The following PRH1 variants were observed in gnomAD, a reference collection of about 807,000 sequenced individuals.
The protein encoded by PRH1 is salivary acidic proline-rich phosphoprotein 1/2.
In PRH1, 7 loss-of-function variants were observed where a neutral mutation model predicts 7.9. The observed-to-expected ratio is 0.89, with a 90% CI of 0.50 to 1.67. PRH1 has a LOEUF of 1.67. Among genes scored for constraint, PRH1 ranks in the 40% most tolerant of loss-of-function variants. The pLI, the probability that PRH1 is intolerant of heterozygous loss-of-function variation, is 0.00. For synonymous variants in PRH1, 45 were observed against 80.8 expected (o/e 0.56, Z 2.38); for missense variants, 109 against 223.6 (o/e 0.49, Z 3.27).
At chr12:11,000,045 A>G (rs1323172929) in intron 1 of PRH1, among the ~76,000 whole-genome samples, 1 of 152,126 alleles carries the variant, frequency 6.6e-6, no homozygotes, top group African/African-American at 2.4e-5. Flanking sequence ...ATTATTTCAC[A>G]TATCATTTGA....
chr12:10,908,509 T>G, intron 2 of PRH1: 1 of 1,613,916 alleles, frequency 6.2e-7, no homozygotes, highest in Non-Finnish European at 8.5e-7. Context: ...TCACAAAGCA[T>G]GTAGATCACT....
chr12:11,036,493 G>C (rs753835698), intron 1 of PRH1, among the ~76,000 whole-genome samples: 29 of 152,136 alleles, frequency 1.9e-4, no homozygotes, highest in Non-Finnish European at 2.1e-4. Flanking sequence ...CCTAAAATCC[G>C]CTCTTTAGAA....
At chr12:11,107,763 CAA>C (rs1945465776) in intron 1 of PRH1, among the ~76,000 whole-genome samples, 1 of 151,976 alleles carries the variant, frequency 6.6e-6, no homozygotes, top group Non-Finnish European at 1.5e-5. Context: ...CAATTGATTT[CAA>C]AAAAGGGACT....
chr12:10,940,839 A>G (rs529417833), intron 2 of PRH1, among the ~76,000 whole-genome samples: 82 of 152,328 alleles, frequency 5.4e-4, no homozygotes, highest in African/African-American at 1.9e-3. Flanking sequence ...GAAAGATGTA[A>G]GGTGTTCCAC....
At chr12:10,972,708 T>C (rs1283384671) in intron 2 of PRH1, among the ~76,000 whole-genome samples, 1 of 152,178 alleles carries the variant, frequency 6.6e-6, no homozygotes, top group Non-Finnish European at 1.5e-5. Context: ...ATATCTACAT[T>C]TTTGAAGGGA....
chr12:11,064,376 T>C (rs1943727676), intron 1 of PRH1, among the ~76,000 whole-genome samples: 1 of 152,150 alleles, frequency 6.6e-6, no homozygotes, highest in Admixed American at 6.6e-5. Context: ...CTCTATACTG[T>C]TCCATTGTGT....
At chr12:11,148,083 C>T (rs1191055939) in intron 1 of PRH1, among the ~76,000 whole-genome samples, 1 of 144,914 alleles carries the variant, frequency 6.9e-6, no homozygotes, top group Non-Finnish European at 1.5e-5. Flanking sequence ...ATTTGGCTCT[C>T]TGTTTGTCTG....
intron 1 of PRH1, among the ~76,000 whole-genome samples, chr12:11,066,131 A>G (rs1240699321): frequency 6.8e-6 from 1 of 147,892 alleles, no homozygotes; most frequent in Non-Finnish European, 1.5e-5. Context: ...GAAGAACTTT[A>G]AGTCTCATGG....
In PRH1 at chr12:11,089,853, T is replaced by A. The variant is rs1041351390; in HGVS notation, n.124-42665A>T. Among the ~76,000 whole-genome samples the A allele has an allele frequency of 2.2e-5, 2 of 92,274 alleles. 1 individual carries two copies. The highest frequency in any genetic ancestry group is 5.2e-5 in the Non-Finnish European group (2 of 38,176). The allele number at this position is 92,274 out of a possible 152,430, so 60.5% of individuals were successfully genotyped here. On this transcript the variant is annotated intron_variant and non_coding_transcript_variant, in intron 1 of 4. Transcript: ENST00000541977. ...CCTTGTCTCCAACTCAGACACCTGA[T>A]ACAGCTGCATCAAGACTATATTATT...
intron 1 of PRH1, among the ~76,000 whole-genome samples, chr12:11,044,392 T>C (rs1463512410): frequency 2.6e-5 from 4 of 152,066 alleles, no homozygotes; most frequent in East Asian, 1.9e-4. Context: ...ATTTCTTGAG[T>C]AGTAATACCC....
intron 1 of PRH1, among the ~76,000 whole-genome samples, chr12:11,013,044 T>C (rs4553441): frequency 0.3 from 46,329 of 152,038 alleles, 8,930 homozygotes; most frequent in East Asian, 0.74. Context: ...GGTCAACTTA[T>C]ATACTCAGTG....
chr12:11,015,379 T>TCTTCCAAG (rs1294181298), intron 1 of PRH1, among the ~76,000 whole-genome samples: 4 of 149,502 alleles, frequency 2.7e-5, no homozygotes, highest in African/African-American at 2.4e-5. Flanking sequence ...CTTCCAAGTG[T>TCTTCCAAG]ACTTTCCTTT....
intron 2 of PRH1, among the ~76,000 whole-genome samples, chr12:10,925,096 G>A (rs1377068337): frequency 2.0e-5 from 3 of 152,296 alleles, no homozygotes; most frequent in African/African-American, 4.8e-5. Flanking sequence ...GGATTCAACT[G>A]TAAAAGTGGC....
upstream of PRH1, among the ~76,000 whole-genome samples, chr12:11,048,161 T>TGTATAG (rs1555147093): frequency 2.2e-5 from 3 of 139,184 alleles, no homozygotes; most frequent in Non-Finnish European, 3.2e-5. Flanking sequence ...TGTGTGTGTG[T>TGTATAG]ATAGATAGAT....
chr12:11,098,367 A>C (rs1229954740), intron 1 of PRH1, among the ~76,000 whole-genome samples: 1 of 151,932 alleles, frequency 6.6e-6, no homozygotes, highest in Non-Finnish European at 1.5e-5. Context: ...TTTATGGAAA[A>C]CATTCTTATT....
At chr12:11,136,519 G>C (rs1188728940) in intron 1 of PRH1, among the ~76,000 whole-genome samples, 2 of 151,944 alleles carry the variant, frequency 1.3e-5, no homozygotes, top group African/African-American at 4.8e-5. Context: ...TCTCCTCATA[G>C]ACATAGAAAA....
chr12:11,127,982 C>G (rs925011445), intron 1 of PRH1, among the ~76,000 whole-genome samples: 1 of 151,792 alleles, frequency 6.6e-6, no homozygotes, highest in East Asian at 1.9e-4. Flanking sequence ...TGGTGGCAGG[C>G]GCCTGTAGTC....
chr12:11,170,309 G>A (rs1947785280), intron 1 of PRH1, among the ~76,000 whole-genome samples: 1 of 152,220 alleles, frequency 6.6e-6, no homozygotes, highest in Admixed American at 6.5e-5. Context: ...CACTTTGGGA[G>A]GCTGAGGCGG....
At chr12:11,083,932 C>CATTT (rs1944585960) in intron 1 of PRH1, among the ~76,000 whole-genome samples, 12 of 119,210 alleles carry the variant, frequency 1.0e-4, no homozygotes, top group South Asian at 2.3e-4. Context: ...CTAGTTGGTT[C>CATTT]TGCTGGGACA....
Sources: gnomAD v4.1 joint callset for allele counts (sites outside exome capture counted in the v4.1 genomes callset) on GRCh38, gnomAD v4.1.1 for gene constraint, MANE v1.5 for transcripts, NCBI Gene and HGNC (gene_info 2026-07-23, HGNC 2026-07-21) for gene names.